ARL13B: variants seen among roughly 807,000 people sequenced by gnomAD.
ARL13B encodes the protein ADP-ribosylation factor-like protein 13B.
In ARL13B, 36 loss-of-function variants were observed where a neutral mutation model predicts 56.1. The ratio of observed to expected loss-of-function variants is 0.64; its 90% CI spans 0.49 to 0.85. ARL13B has a LOEUF of 0.85. ARL13B is among the 40% of genes least tolerant of loss of function. The probability of loss-of-function intolerance (pLI) is 0.00; values close to 1 mark genes in which losing one functional copy is unlikely to be tolerated. For synonymous variants in ARL13B, 178 were observed against 171.1 expected (o/e 1.04, Z -0.32); for missense variants, 519 against 507.1 (o/e 1.02, Z -0.23).
chr3:94,043,315 T>A, intron 7 of ARL13B, 75 bp downstream of exon 7: 1 of 1,337,208 alleles, frequency 7.5e-7, no homozygotes, highest in East Asian at 2.5e-5. Context: ...TCATTTTTTA[T>A]GTTTGTTTTT....
chr3:94,041,756 GC>G (rs1258209656), intron 6 of ARL13B, among the ~76,000 whole-genome samples: 2 of 152,038 alleles, frequency 1.3e-5, no homozygotes, highest in African/African-American at 2.4e-5. Context: ...GTTACCAAAG[GC>G]AGTTTCCTAA....
rs771671552 is a variant in ARL13B at position 94,055,611 on chromosome 3, A to G, written c.*2348A>G. 3.3e-5 allele frequency: 15 copies of G among 453,834 alleles called. No homozygotes were observed. The highest frequency in any genetic ancestry group is 1.6e-4 in the Admixed American group (7 of 42,540). The allele number at this position is 453,834 out of a possible 1,614,324, so 28.1% of individuals were successfully genotyped here. Reference sequence around the variant, plus strand: ...TTGTGTGCCTTTATGTGTAAAATGCATATTACGTAGTATACATGATATTGT... The same window carrying G: ...TTGTGTGCCTTTATGTGTAAAATGCGTATTACGTAGTATACATGATATTGT... On this transcript the variant is annotated 3_prime_UTR_variant, in exon 10 of 10. Coordinates refer to ENST00000394222, the MANE Select transcript of ARL13B (RefSeq NM_001174150.2).
At chr3:94,032,211 A>G (rs1475527893) in intron 3 of ARL13B, among the ~76,000 whole-genome samples, 1 of 152,212 alleles carries the variant, frequency 6.6e-6, no homozygotes, top group Non-Finnish European at 1.5e-5. Context: ...AATCAACAAC[A>G]AAAAACAACC....
chr3:94,042,306 T>A (rs1327988660), intron 6 of ARL13B, among the ~76,000 whole-genome samples: 1 of 152,132 alleles, frequency 6.6e-6, no homozygotes, highest in Non-Finnish European at 1.5e-5. Flanking sequence ...GTGACATTTT[T>A]AAATTTGCCT....
chr3:94,003,942 A>G (rs377336350), intron 3 of ARL13B, 34 bp downstream of exon 3: 1 of 1,611,948 alleles, frequency 6.2e-7, no homozygotes, highest in East Asian at 2.2e-5. Context: ...AAATGTAGGG[A>G]CGATGGCATT....
At chr3:93,999,085 T>C (rs185959176) in intron 2 of ARL13B, among the ~76,000 whole-genome samples, 111 of 147,692 alleles carry the variant, frequency 7.5e-4, no homozygotes, top group African/African-American at 2.4e-3. Flanking sequence ...CTAATTCATA[T>C]TCTATTTATT....
chr3:94,024,622 A>G (rs2076518046), intron 3 of ARL13B, among the ~76,000 whole-genome samples: 1 of 152,062 alleles, frequency 6.6e-6, no homozygotes, highest in Non-Finnish European at 1.5e-5. Context: ...ATCTCACTCT[A>G]TCACCCAGGC....
At chr3:94,031,712 A>G (rs1020072660) in intron 3 of ARL13B, among the ~76,000 whole-genome samples, 1 of 152,214 alleles carries the variant, frequency 6.6e-6, no homozygotes, top group Admixed American at 6.5e-5. Flanking sequence ...AAGCAAAAAG[A>G]ACAAAGCTGG....
intron 3 of ARL13B, among the ~76,000 whole-genome samples, chr3:94,017,581 A>C (rs1162049576): frequency 6.6e-5 from 10 of 152,250 alleles, no homozygotes; most frequent in Admixed American, 6.5e-5. Context: ...TATGTATATA[A>C]GTTTTAAATG....
chr3:94,000,477 G>T (rs945055879), intron 2 of ARL13B, among the ~76,000 whole-genome samples: 1 of 151,628 alleles, frequency 6.6e-6, no homozygotes, highest in African/African-American at 2.4e-5. Context: ...AATTCTTTGC[G>T]TGGACTGGTC....
At chr3:94,030,132 A>C (rs201106377) in intron 3 of ARL13B, among the ~76,000 whole-genome samples, 1 of 152,114 alleles carries the variant, frequency 6.6e-6, no homozygotes, top group Non-Finnish European at 1.5e-5. Flanking sequence ...GGTTACCTAT[A>C]AGGGAAGGGA....
chr3:94,013,307 C>T (rs956540273), intron 3 of ARL13B, among the ~76,000 whole-genome samples: 13 of 152,160 alleles, frequency 8.5e-5, no homozygotes, highest in African/African-American at 3.1e-4. Flanking sequence ...TTAACATTAT[C>T]TAATATTTGT....
In ARL13B at chr3:94,053,214, T is replaced by C. The variant is rs766082969; in HGVS notation, c.1238T>C (p.Leu413Pro). 1.2e-6 allele frequency: 2 copies of C among 1,613,152 alleles called. No homozygotes were observed. The highest frequency in any genetic ancestry group is 1.7e-6 in the Non-Finnish European group (2 of 1,179,714). Reference protein sequence around the residue: ...NDFYRKPLPPLAVPQRPNSDA... With the variant: ...NDFYRKPLPPPAVPQRPNSDA... ...TTCTATAGGAAGCCACTGCCTCCCC[T>C]GGCTGTGCCACAGCGACCTAACAGT... Residue 413 changes from leucine to proline, a missense_variant, in exon 10 of 10, where the codon CTG (leucine) becomes CCG (proline). Coordinates refer to ENST00000394222, the MANE Select transcript of ARL13B (RefSeq NM_001174150.2).
chr3:94,003,617 A>G (rs1461079615), intron 2 of ARL13B, 42 bp from the exon 3 acceptor site: 1 of 1,603,332 alleles, frequency 6.2e-7, no homozygotes, highest in African/African-American at 1.3e-5. Context: ...GTTGTCAATT[A>G]AAGTCTAAAG....
chr3:94,051,469 T>C (rs1560018455), intron 9 of ARL13B, among the ~76,000 whole-genome samples: 1 of 152,122 alleles, frequency 6.6e-6, no homozygotes, highest in Non-Finnish European at 1.5e-5. Context: ...TAACATACGC[T>C]ATAGTCTAGA....
intron 3 of ARL13B, among the ~76,000 whole-genome samples, chr3:94,020,259 T>A (rs956858360): frequency 1.3e-5 from 2 of 152,196 alleles, no homozygotes; most frequent in Non-Finnish European, 2.9e-5. Context: ...ACTTGAGCTC[T>A]TAATATGTGC....
At chr3:94,042,170 G>A (rs562973208) in intron 6 of ARL13B, among the ~76,000 whole-genome samples, 2 of 151,922 alleles carry the variant, frequency 1.3e-5, no homozygotes, top group Admixed American at 6.6e-5. Flanking sequence ...GTATTAATAC[G>A]GCAGAGATGT....
intron 3 of ARL13B, among the ~76,000 whole-genome samples, chr3:94,029,313 TA>T (rs2076620323): frequency 1.0e-5 from 1 of 97,018 alleles, no homozygotes; most frequent in Non-Finnish European, 2.0e-5. Context: ...TATATATATA[TA>T]TATATATATA....
chr3:94,011,982 A>G (rs1397157453), intron 3 of ARL13B, among the ~76,000 whole-genome samples: 1 of 151,948 alleles, frequency 6.6e-6, no homozygotes, highest in African/African-American at 2.4e-5. Context: ...TTGTTATTTT[A>G]CTGCTCTTAT....
Sources: allele counts gnomAD v4.1 joint callset (sites outside exome capture counted in the v4.1 genomes callset), GRCh38; gene constraint gnomAD v4.1.1; transcripts MANE v1.5; gene names NCBI Gene and HGNC (gene_info 2026-07-23, HGNC 2026-07-21).